The following RGS6 variants were observed in gnomAD, a reference collection of about 807,000 sequenced individuals.
RGS6 encodes the protein regulator of G protein signaling 6.
A neutral mutation model predicts 78.5 loss-of-function variants in RGS6; 30 were observed. That is an observed-to-expected ratio of 0.38 (90% CI 0.29 to 0.52). The LOEUF (loss-of-function observed/expected upper bound fraction) is 0.52, where lower values mean the gene tolerates loss of function less well. Among genes scored for constraint, RGS6 ranks in the 20% least tolerant of loss-of-function variants. RGS6 has a pLI of 0.85. For synonymous variants in RGS6, 206 were observed against 206.0 expected, an observed-to-expected ratio of 1.00 and a Z score of 0.00; for missense variants, 495 against 609.7, an observed-to-expected ratio of 0.81 and a Z score of 1.98.
chr14:72,110,618 TCTTA>T (rs1297229154), intron 2 of RGS6, among the ~76,000 whole-genome samples: 2 of 152,348 alleles, frequency 1.3e-5, no homozygotes, highest in Admixed American at 6.5e-5. Flanking sequence ...ATCCAGTTTC[TCTTA>T]CTTGTGCAAA....
rs141836880 is a variant in RGS6, at chr14:72,429,042, A to G, written c.185-25486A>G. Among the ~76,000 whole-genome samples the G allele has an allele frequency of 3.9e-5, 6 of 152,282 alleles. No homozygotes were observed. The East Asian group carries it at 9.6e-4, about 24-fold the overall frequency. ...ATGGTGAAACCCTGTCTCTACTAAA[A>G]TACAAAAAAAGTTTCCAGGTGTAGT... On this transcript the variant is annotated intron_variant, in intron 3 of 17. Transcript: ENST00000553525.
chr14:72,551,274 C>T (rs567848565), intron 17 of RGS6, among the ~76,000 whole-genome samples: 62 of 152,290 alleles, frequency 4.1e-4, no homozygotes, highest in African/African-American at 1.3e-3. Context: ...TCTATATTCC[C>T]TGGGGACTAC....
chr14:71,967,565 C>T (rs1331687403), intron 2 of RGS6, among the ~76,000 whole-genome samples: 5 of 152,144 alleles, frequency 3.3e-5, no homozygotes, highest in African/African-American at 1.2e-4. Context: ...TAGCCATAAA[C>T]CCAAACCTTT....
At chr14:72,140,077 A>T (rs529363283) in intron 2 of RGS6, among the ~76,000 whole-genome samples, 2 of 150,406 alleles carry the variant, frequency 1.3e-5, no homozygotes, top group South Asian at 2.1e-4. Flanking sequence ...ATTTTGATGG[A>T]ATTGGCCCAT....
Position 72,423,069 on chromosome 14 carries a change from C to T in RGS6, c.185-31459C>T, listed in dbSNP as rs1422974750. ...TAGAAGGGCCTGACAGGTGGCCACACGGCAGGTGAGTCAGAGAGTTGAGTC... is the reference window on the plus strand; with the variant it reads ...TAGAAGGGCCTGACAGGTGGCCACATGGCAGGTGAGTCAGAGAGTTGAGTC... On this transcript the variant is annotated intron_variant, in intron 3 of 17. Coordinates refer to ENST00000553525, the MANE Select transcript of RGS6 (RefSeq NM_001204424.2). 4.6e-5 allele frequency among the ~76,000 whole-genome samples: 7 copies of T among 152,132 alleles called. No homozygotes were observed. In the South Asian group the frequency reaches 6.2e-4, roughly 14 times the overall value.
chr14:71,975,538 A>C (rs2094067236), intron 2 of RGS6, among the ~76,000 whole-genome samples: 1 of 151,776 alleles, frequency 6.6e-6, no homozygotes, highest in Non-Finnish European at 1.5e-5. Context: ...GGCTCACTGC[A>C]GCTGCCACCT....
chr14:72,127,988 G>A (rs1040526192), intron 2 of RGS6, among the ~76,000 whole-genome samples: 2 of 151,994 alleles, frequency 1.3e-5, no homozygotes, highest in Admixed American at 6.5e-5. Flanking sequence ...GTTGTTGCAC[G>A]TATCAAGGGC....
intron 2 of RGS6, among the ~76,000 whole-genome samples, chr14:72,262,881 T>TC (rs1156748912): frequency 1.3e-5 from 2 of 152,028 alleles, no homozygotes; most frequent in African/African-American, 4.8e-5. Context: ...GAGCTCTGTG[T>TC]CCCCCCATGT....
At chr14:72,316,557 G>A (rs961578003) in intron 2 of RGS6, among the ~76,000 whole-genome samples, 4 of 152,248 alleles carry the variant, frequency 2.6e-5, no homozygotes, top group East Asian at 1.9e-4. Context: ...CCCTACAAAC[G>A]GCATGAACTC....
At chr14:72,323,664 T>G (rs944155050) in intron 2 of RGS6, among the ~76,000 whole-genome samples, 1 of 151,402 alleles carries the variant, frequency 6.6e-6, no homozygotes, top group African/African-American at 2.4e-5. Context: ...TAGCTGGGTG[T>G]GGTAGTGGGC....
chr14:72,216,922 A>G (rs1208443989), intron 2 of RGS6, among the ~76,000 whole-genome samples: 1 of 152,212 alleles, frequency 6.6e-6, no homozygotes, highest in Non-Finnish European at 1.5e-5. Flanking sequence ...TTACAAATGT[A>G]TATATAGAAA....
intron 2 of RGS6, among the ~76,000 whole-genome samples, chr14:71,982,674 C>G (rs1438326922): frequency 6.6e-6 from 1 of 152,164 alleles, no homozygotes; most frequent in Non-Finnish European, 1.5e-5. Context: ...TTGATCATGC[C>G]TTTTGTTTAA....
chr14:72,370,836 CTTTTCCT>C (rs989980433), intron 3 of RGS6, among the ~76,000 whole-genome samples: 4 of 152,182 alleles, frequency 2.6e-5, no homozygotes, highest in Non-Finnish European at 4.4e-5. Flanking sequence ...AATAGCTTTC[CTTTTCCT>C]TTTTCCTTTT....
rs537628929 is a variant in RGS6 at position 72,251,607 on chromosome 14, A to G, written c.85-100488A>G. On this transcript the variant is annotated intron_variant, in intron 2 of 17. Coordinates refer to ENST00000553525, the MANE Select transcript of RGS6 (RefSeq NM_001204424.2). ...AGATTTGAATTAAGCAAATTAACAC[A>G]GGAACAGAACAACAGATGCCACATC... 1.5e-4 allele frequency among the ~76,000 whole-genome samples: 23 copies of G among 152,334 alleles called. No homozygotes were observed. In the East Asian group the frequency reaches 3.9e-3, roughly 26 times the overall value.
At chr14:72,357,809 A>G (rs190070064) in intron 3 of RGS6, among the ~76,000 whole-genome samples, 120 of 152,330 alleles carry the variant, frequency 7.9e-4, no homozygotes, top group African/African-American at 2.6e-3. Flanking sequence ...AGAAATTTGC[A>G]TAAGTAAGGA....
At chr14:72,138,146 T>C (rs1422064385) in intron 2 of RGS6, among the ~76,000 whole-genome samples, 1 of 152,112 alleles carries the variant, frequency 6.6e-6, no homozygotes, top group African/African-American at 2.4e-5. Flanking sequence ...ACATATAAAG[T>C]TTACACTCCA....
At chr14:72,476,295 A>T (rs2096242603) in intron 10 of RGS6, among the ~76,000 whole-genome samples, 1 of 152,210 alleles carries the variant, frequency 6.6e-6, no homozygotes, top group Non-Finnish European at 1.5e-5. Context: ...TCTTTTGTGC[A>T]TACTCTTTGG....
chr14:72,237,441 C>T (rs2051404137), intron 2 of RGS6, among the ~76,000 whole-genome samples: 1 of 152,178 alleles, frequency 6.6e-6, no homozygotes, highest in Non-Finnish European at 1.5e-5. Flanking sequence ...TGGCACAAAA[C>T]CCACATGACA....
At chr14:72,502,108 C>T (rs1235532516) in intron 13 of RGS6, among the ~76,000 whole-genome samples, 1 of 152,196 alleles carries the variant, frequency 6.6e-6, no homozygotes, top group African/African-American at 2.4e-5. Context: ...AATCCAGAAC[C>T]CCTGTGGTGG....
Sources: gnomAD v4.1 joint callset for allele counts (sites outside exome capture counted in the v4.1 genomes callset) on GRCh38, gnomAD v4.1.1 for gene constraint, MANE v1.5 for transcripts, NCBI Gene and HGNC (gene_info 2026-07-23, HGNC 2026-07-21) for gene names.